Variants in DPYS observed in about 807,000 individuals in gnomAD.
The protein encoded by DPYS is dihydropyrimidine amidohydrolase.
DPYS carries 39 observed loss-of-function variants against 50.3 expected under a neutral mutation model. The observed-to-expected ratio is 0.78, with a 90% CI of 0.60 to 1.01. The LOEUF (loss-of-function observed/expected upper bound fraction) is 1.01. Among genes scored for constraint, DPYS ranks in the 50% least tolerant of loss-of-function variants. The pLI is 0.00. For missense variants in DPYS, 659 were observed against 680.9 expected (o/e 0.97, Z 0.36); for synonymous variants, 245 against 250.7 (o/e 0.98, Z 0.22).
chr8:104,403,281 A>C (rs1260160078), intron 7 of DPYS, among the ~76,000 whole-genome samples: 1 of 152,206 alleles, frequency 6.6e-6, no homozygotes, highest in East Asian at 1.9e-4. Flanking sequence ...ATCAAGCTGA[A>C]CACTAGTCAC....
Position 104,467,041 on chromosome 8 carries a change from T to A in DPYS, c.-121A>T. On this transcript the variant is annotated 5_prime_UTR_variant, in exon 1 of 10. Coordinates refer to ENST00000351513, the MANE Select transcript of DPYS (RefSeq NM_001385.3). ...CCACCGACAGCCCCCGAGCTCTGCC[T>A]CAGGCTGCAAATCCGGAGCCCGGCG... is the stretch of plus-strand genomic sequence containing the variant. The A allele has an allele frequency of 8.1e-7, 1 of 1,233,792 alleles. No individual in the cohort carries two copies. The highest frequency in any genetic ancestry group is 1.0e-6 in the Non-Finnish European group (1 of 953,348). The allele number at this position is 1,233,792 out of a possible 1,614,324, so 76.4% of individuals were successfully genotyped here. A position where few individuals can be genotyped will look rare whatever the true frequency, so the allele number is the denominator to read the frequency against.
intron 1 of DPYS, among the ~76,000 whole-genome samples, chr8:104,453,977 A>G: frequency 6.6e-6 from 1 of 152,248 alleles, no homozygotes; most frequent in East Asian, 1.9e-4. Context: ...TTTATATGAA[A>G]TGTCCAGAAG....
intron 6 of DPYS, among the ~76,000 whole-genome samples, chr8:104,427,439 C>T (rs1482076935): frequency 6.6e-6 from 1 of 151,438 alleles, no homozygotes; most frequent in Admixed American, 6.6e-5. Flanking sequence ...CCACCATGCC[C>T]GGCTAACTTT....
chr8:104,417,898 C>T lies in DPYS; in HGVS notation c.1235+6349G>A, dbSNP rs1420239435. ...CATCACCATATGTCAAATTCCTCAC[C>T]TTGGAATCATCTCACTTTTTACAGA... On this transcript the variant is annotated intron_variant, in intron 7 of 9. Coordinates refer to ENST00000351513, the MANE Select transcript of DPYS (RefSeq NM_001385.3). Among the ~76,000 whole-genome samples the T allele has an allele frequency of 2.6e-5, 4 of 152,282 alleles. No individual in the cohort carries two copies. In the South Asian group the frequency reaches 8.3e-4, roughly 32 times the overall value.
At chr8:104,417,267 G>A (rs1051435080) in intron 7 of DPYS, among the ~76,000 whole-genome samples, 1 of 152,200 alleles carries the variant, frequency 6.6e-6, no homozygotes, top group African/African-American at 2.4e-5. Context: ...ACTGAAAAGG[G>A]ACAGTTACCA....
chr8:104,414,664 G>A (rs1161585014), intron 7 of DPYS, among the ~76,000 whole-genome samples: 2 of 152,130 alleles, frequency 1.3e-5, no homozygotes, highest in Non-Finnish European at 2.9e-5. Context: ...GGCCTTTATA[G>A]GAAGACAAGG....
chr8:104,466,842 C>A lies in DPYS; in HGVS notation c.79G>T (p.Val27Leu), dbSNP rs1420139686. 1 of 1,532,552 alleles carries A rather than the reference C, an allele frequency of 6.5e-7. No homozygotes were observed. The highest frequency in any genetic ancestry group is 2.0e-5 in the Admixed American group (1 of 50,816). The allele number at this position is 1,532,552 out of a possible 1,614,324, so 94.9% of individuals were successfully genotyped here. A position where few individuals can be genotyped will look rare whatever the true frequency, so the allele number is the denominator to read the frequency against. Reference sequence around the variant, plus strand: ...AGTGCCCGCACCACGCCGTCCTCCACCAGCACGTCGGCCACCTCCGAGAAG... The same window carrying A: ...AGTGCCCGCACCACGCCGTCCTCCAACAGCACGTCGGCCACCTCCGAGAAG... ...DDFSEVADVL[V>L]EDGVVRALGH... The change falls in exon 1 of 10, where the codon GTG (valine) becomes TTG (leucine). Residue 27 changes from valine (V) to leucine (L), a missense_variant. By Grantham distance (32) the Val-to-Leu change is conservative. Transcript: ENST00000351513.
intron 7 of DPYS, among the ~76,000 whole-genome samples, chr8:104,402,680 C>G (rs919416848): frequency 6.6e-6 from 1 of 152,162 alleles, no homozygotes; most frequent in Non-Finnish European, 1.5e-5. Flanking sequence ...AAAACTCACA[C>G]AACATCCTTC....
At position 104,447,450 on chromosome 8, in the gene DPYS, C is replaced by G. The variant is rs944063911; in HGVS notation, c.477G>C (p.Lys159Asn). ...LVQDKGVNSF[K>N]MFMAYKDLYM... ...ACAGATCTTTATAGGCCATAAACAT[C>G]TTGAAAGAGTTAACACCTTTATCTT... The change falls in exon 3 of 10, where the codon AAG (lysine) becomes AAC (asparagine). Residue 159 changes from lysine (K) to asparagine (N), a missense_variant. By Grantham distance (94) the Lys-to-Asn change is moderately conservative. Coordinates refer to ENST00000351513, the MANE Select transcript of DPYS (RefSeq NM_001385.3). 2 of 1,614,092 alleles carry G rather than the reference C, an allele frequency of 1.2e-6. No homozygotes were observed. The highest frequency in any genetic ancestry group is 1.7e-6 in the Non-Finnish European group (2 of 1,180,018).
chr8:104,417,415 A>G lies in DPYS; in HGVS notation c.1235+6832T>C, dbSNP rs865798972. Among the ~76,000 whole-genome samples, 4 of 152,328 alleles carry G rather than the reference A, an allele frequency of 2.6e-5. No homozygotes were observed. The Middle Eastern group carries it at 0.01, about 389-fold the overall frequency. On this transcript the variant is annotated intron_variant, in intron 7 of 9. Coordinates refer to ENST00000351513, the MANE Select transcript of DPYS (RefSeq NM_001385.3). ...GTCACTCTCTCTAATAAGATTTTTA[A>G]CAAGTTGGCCAATTTGGCTGATCTC... is the stretch of plus-strand genomic sequence containing the variant.
chr8:104,461,772 G>A (rs1303033140), intron 1 of DPYS, among the ~76,000 whole-genome samples: 2 of 152,122 alleles, frequency 1.3e-5, no homozygotes, highest in Non-Finnish European at 2.9e-5. Flanking sequence ...TAAGGAATAT[G>A]CAGGCTGGAG....
At chr8:104,380,993 C>T in intron 9 of DPYS, 191 bp downstream of exon 9, 1 of 561,280 alleles carries the variant, frequency 1.8e-6, no homozygotes. Context: ...CTCTAGCAAG[C>T]CCAAGGCCTT....
intron 5 of DPYS, among the ~76,000 whole-genome samples, chr8:104,428,896 T>C (rs962905287): frequency 1.3e-5 from 2 of 151,890 alleles, no homozygotes; most frequent in African/African-American, 4.8e-5. Context: ...AGTGGCACTA[T>C]CTCTGCTCAC....
intron 7 of DPYS, among the ~76,000 whole-genome samples, chr8:104,398,030 C>G (rs1253211728): frequency 1.3e-5 from 2 of 152,240 alleles, no homozygotes; most frequent in Non-Finnish European, 2.9e-5. Context: ...GGAACAAACG[C>G]AAGTTCAGAG....
chr8:104,457,395 A>G (rs1813963144), intron 1 of DPYS, among the ~76,000 whole-genome samples: 1 of 152,140 alleles, frequency 6.6e-6, no homozygotes, highest in Admixed American at 6.5e-5. Flanking sequence ...ACAATTTAAA[A>G]CTTATGATTG....
At chr8:104,386,437 G>A (rs531154004) in intron 8 of DPYS, among the ~76,000 whole-genome samples, 6 of 151,794 alleles carry the variant, frequency 4.0e-5, no homozygotes, top group Admixed American at 2.0e-4. Flanking sequence ...GGAGGCTGAG[G>A]CAGGAGAATT....
chr8:104,410,837 C>T (rs35854847), intron 7 of DPYS, among the ~76,000 whole-genome samples: 29,717 of 152,034 alleles, frequency 0.2, 3,779 homozygotes, highest in Non-Finnish European at 0.27. Flanking sequence ...TATTATCCCA[C>T]GACTGTATCT....
At chr8:104,390,498 A>C (rs1811352716) in intron 8 of DPYS, among the ~76,000 whole-genome samples, 1 of 136,666 alleles carries the variant, frequency 7.3e-6, no homozygotes, top group Non-Finnish European at 1.5e-5. Flanking sequence ...GTTCTCTTTA[A>C]CTTTTTTTTT....
In DPYS at chr8:104,456,187, C is replaced by T. The variant is rs549624798; in HGVS notation, c.265-4783G>A. ...AGCCTAGGCGTGTAGTAGGCTATACCATCTAGGTTTGTGTAAGTACACACT... is the reference window on the plus strand; with the variant it reads ...AGCCTAGGCGTGTAGTAGGCTATACTATCTAGGTTTGTGTAAGTACACACT... On this transcript the variant is annotated intron_variant, in intron 1 of 9. Transcript: ENST00000351513. Among the ~76,000 whole-genome samples the T allele has an allele frequency of 2.6e-5, 4 of 152,260 alleles. No homozygotes were observed. In the South Asian group the frequency reaches 8.3e-4, roughly 32 times the overall value.
Sources: allele counts gnomAD v4.1 joint callset (sites outside exome capture counted in the v4.1 genomes callset), GRCh38; gene constraint gnomAD v4.1.1; transcripts MANE v1.5; gene names NCBI Gene and HGNC (gene_info 2026-07-23, HGNC 2026-07-21).